MCPH1: variants seen among roughly 807,000 people sequenced by gnomAD.
MCPH1 encodes the protein microcephalin 1.
Under a neutral mutation model 84.5 loss-of-function variants are expected in MCPH1, and 104 were observed. The ratio of observed to expected loss-of-function variants is 1.23; its 90% CI spans 1.05 to 1.45. The LOEUF (loss-of-function observed/expected upper bound fraction) is 1.45, where lower values mean the gene tolerates loss of function less well. MCPH1 is among the 40% of genes most tolerant of loss of function. MCPH1 has a pLI of 0.00. For synonymous variants in MCPH1, 514 were observed against 366.8 expected, an observed-to-expected ratio of 1.40 and a Z score of -4.58; for missense variants, 1,498 against 1,005.7, an observed-to-expected ratio of 1.49 and a Z score of -6.62.
intron 11 of MCPH1, among the ~76,000 whole-genome samples, chr8:6,493,691 C>G (rs928416065): frequency 2.0e-5 from 3 of 152,144 alleles, no homozygotes; most frequent in Admixed American, 6.6e-5. Context: ...GTCCACGCTG[C>G]TAGTCCTGTG....
At chr8:6,424,685 T>G (rs1384264708) in intron 3 of MCPH1, among the ~76,000 whole-genome samples, 1 of 152,206 alleles carries the variant, frequency 6.6e-6, no homozygotes, top group African/African-American at 2.4e-5. Flanking sequence ...GTGTAGCCAT[T>G]TAGGACTGGG....
intron 9 of MCPH1, among the ~76,000 whole-genome samples, chr8:6,468,834 C>G (rs78675721): frequency 0.014 from 2,186 of 152,114 alleles, 56 homozygotes; most frequent in African/African-American, 0.051. Flanking sequence ...GAGTAAAAAA[C>G]AGTCCACATA....
intron 3 of MCPH1, among the ~76,000 whole-genome samples, chr8:6,415,814 G>C (rs1215879499): frequency 6.6e-6 from 1 of 152,062 alleles, no homozygotes; most frequent in Non-Finnish European, 1.5e-5. Context: ...ATTTCTATAT[G>C]AATTTTATGA....
intron 12 of MCPH1, among the ~76,000 whole-genome samples, chr8:6,540,838 G>A (rs1821419003): frequency 6.6e-6 from 1 of 152,252 alleles, no homozygotes; most frequent in South Asian, 2.1e-4. Flanking sequence ...GCCGCAGGGT[G>A]GTTCGCACAC....
At chr8:6,512,069 T>G (rs536615908) in intron 12 of MCPH1, among the ~76,000 whole-genome samples, 97 of 152,270 alleles carry the variant, frequency 6.4e-4, no homozygotes, top group Non-Finnish European at 1.2e-4. Context: ...AACACCTATC[T>G]TCTCATTCAT....
chr8:6,462,615 C>G (rs921187451), intron 9 of MCPH1, among the ~76,000 whole-genome samples: 8 of 152,180 alleles, frequency 5.3e-5, no homozygotes, highest in Admixed American at 3.9e-4. Context: ...AAGCATTGCC[C>G]CCAGAGCCAG....
chr8:6,559,653 C>G (rs938201357), intron 12 of MCPH1, among the ~76,000 whole-genome samples: 2 of 152,070 alleles, frequency 1.3e-5, no homozygotes, highest in African/African-American at 4.8e-5. Context: ...TAGTTCTTTC[C>G]TTTCCATATT....
At chr8:6,475,983 G>A (rs1381935492) in intron 9 of MCPH1, among the ~76,000 whole-genome samples, 1 of 152,052 alleles carries the variant, frequency 6.6e-6, no homozygotes, top group Non-Finnish European at 1.5e-5. Context: ...AGCTGTCGAG[G>A]GAAACTAAGC....
intron 8 of MCPH1, chr8:6,446,078 A>T (rs1214309293): frequency 5.1e-6 from 5 of 979,386 alleles, no homozygotes; most frequent in East Asian, 1.1e-4. Flanking sequence ...ATGAAGAAAC[A>T]TTTAAACATT....
At chr8:6,439,220 C>A in intron 6 of MCPH1, 124 bp downstream of exon 6, 1 of 992,370 alleles carries the variant, frequency 1.0e-6, no homozygotes. Context: ...TGACTTATTT[C>A]ATGGCTGGCT....
chr8:6,480,968 G>A (rs1263939615), intron 11 of MCPH1, 92 bp downstream of exon 11: 12 of 1,411,160 alleles, frequency 8.5e-6, no homozygotes, highest in East Asian at 4.6e-5. Context: ...TCAGGCCGGC[G>A]TGCACCCTTG....
intron 13 of MCPH1, among the ~76,000 whole-genome samples, chr8:6,623,013 CTTTTTTTTT>C (rs1164226735): frequency 2.7e-5 from 3 of 109,894 alleles, no homozygotes; most frequent in African/African-American, 7.2e-5. Context: ...GCTTTACTTT[CTTTTTTTTT>C]TTTTTTTTTT....
intron 11 of MCPH1, among the ~76,000 whole-genome samples, chr8:6,483,659 A>T (rs188856212): frequency 6.6e-6 from 1 of 152,322 alleles, no homozygotes; most frequent in East Asian, 1.9e-4. Context: ...CAGGAATTGG[A>T]GATCAGCCTG....
At chr8:6,503,403 G>A (rs1812593654) in intron 12 of MCPH1, 1 of 777,770 alleles carries the variant, frequency 1.3e-6, no homozygotes, top group Non-Finnish European at 2.1e-6. Flanking sequence ...TATAGGATGT[G>A]CACTGGCAGA....
At chr8:6,424,698 A>G (rs1334571841) in intron 3 of MCPH1, among the ~76,000 whole-genome samples, 2 of 152,206 alleles carry the variant, frequency 1.3e-5, no homozygotes, top group Non-Finnish European at 2.9e-5. Flanking sequence ...GGACTGGGCA[A>G]ATTACTCAAC....
chr8:6,504,660 T>C (rs532304738), intron 12 of MCPH1, among the ~76,000 whole-genome samples: 4 of 152,236 alleles, frequency 2.6e-5, no homozygotes, highest in African/African-American at 9.6e-5. Context: ...CCTGACTTAA[T>C]AAGGAGAGAA....
intron 11 of MCPH1, among the ~76,000 whole-genome samples, chr8:6,496,518 C>A (rs1811244836): frequency 6.7e-6 from 1 of 149,424 alleles, no homozygotes; most frequent in Non-Finnish European, 1.5e-5. Flanking sequence ...CACACGGAAG[C>A]CCCCCCGCCC....
Position 6,480,979 on chromosome 8 carries a change from T to C in MCPH1, c.2136+103T>C, listed in dbSNP as rs541529713. 5.6e-5 allele frequency: 74 copies of C among 1,326,984 alleles called. 1 individual carries two copies. The South Asian group carries it at 8.5e-4, about 15-fold the overall frequency. The allele number at this position is 1,326,984 out of a possible 1,614,324, so 82.2% of individuals were successfully genotyped here. ...GCACTCAGGCCGGCGTGCACCCTTGTGGATCTGCACACTTTCCTGTGAGCT... is the reference window on the plus strand; with the variant it reads ...GCACTCAGGCCGGCGTGCACCCTTGCGGATCTGCACACTTTCCTGTGAGCT... On this transcript the variant is annotated intron_variant, in intron 11 of 13. Transcript: ENST00000344683.
At chr8:6,507,309 C>T (rs1298597510) in intron 12 of MCPH1, among the ~76,000 whole-genome samples, 1 of 152,082 alleles carries the variant, frequency 6.6e-6, no homozygotes, top group Non-Finnish European at 1.5e-5. Flanking sequence ...CTTTGGTTTT[C>T]CTGGGTGGGT....
Sources: gnomAD v4.1 joint callset for allele counts (sites outside exome capture counted in the v4.1 genomes callset) on GRCh38, gnomAD v4.1.1 for gene constraint, MANE v1.5 for transcripts, NCBI Gene and HGNC (gene_info 2026-07-23, HGNC 2026-07-21) for gene names.